The following ACBD6 variants were observed in gnomAD, a reference collection of about 807,000 sequenced individuals.
ACBD6 encodes acyl-CoA-binding domain-containing protein 6.
ACBD6 carries 28 observed loss-of-function variants against 37.2 expected under a neutral mutation model. That is an observed-to-expected ratio of 0.75 (90% CI 0.56 to 1.03). The LOEUF (loss-of-function observed/expected upper bound fraction) is 1.03. ACBD6 is among the 50% of genes least tolerant of loss of function. ACBD6 has a pLI of 0.00. For missense variants in ACBD6, 340 were observed against 337.4 expected (o/e 1.01, Z -0.06); for synonymous variants, 113 against 126.8 (o/e 0.89, Z 0.73).
chr1:180,435,810 C>T (rs370382015), intron 3 of ACBD6: 1 of 970,470 alleles, frequency 1.0e-6, no homozygotes, highest in East Asian at 2.4e-5. Flanking sequence ...GTGAATAACT[C>T]CAGCCTGATG....
chr1:180,433,583 T>A (rs10798765), intron 3 of ACBD6, among the ~76,000 whole-genome samples: 4 of 2,958 alleles, frequency 1.4e-3, no homozygotes, highest in South Asian at 0.015. Context: ...GCTGTGTGTG[T>A]GTGTGTGTGT....
intron 6 of ACBD6, among the ~76,000 whole-genome samples, chr1:180,347,360 G>GTGGT (rs1553296138): frequency 2.0e-5 from 1 of 49,074 alleles, no homozygotes; most frequent in Non-Finnish European, 5.4e-5. Flanking sequence ...TCAACAGAAA[G>GTGGT]TTTTTTTTTT....
chr1:180,362,707 T>C (rs1652894764), intron 6 of ACBD6, among the ~76,000 whole-genome samples: 1 of 152,130 alleles, frequency 6.6e-6, no homozygotes, highest in Non-Finnish European at 1.5e-5. Flanking sequence ...GCCTTAAAAG[T>C]TGAGATGGTT....
chr1:180,426,335 A>G (rs191731238), intron 4 of ACBD6, among the ~76,000 whole-genome samples: 1 of 152,288 alleles, frequency 6.6e-6, no homozygotes, highest in East Asian at 1.9e-4. Flanking sequence ...TTCTTACCCT[A>G]ATTTCTCAAT....
intron 6 of ACBD6, among the ~76,000 whole-genome samples, chr1:180,329,546 AT>A (rs199891418): frequency 0.027 from 4,035 of 152,256 alleles, 154 homozygotes; most frequent in African/African-American, 0.068. Flanking sequence ...AGAAAGCTTT[AT>A]TATAGATCTG....
rs539361929 is a variant in ACBD6 at position 180,476,712 on chromosome 1, G to A, written c.384+15557C>T. 1.4e-4 allele frequency among the ~76,000 whole-genome samples: 21 copies of A among 152,264 alleles called. No homozygotes were observed. The East Asian group carries it at 3.9e-3, about 28-fold the overall frequency. The stretch of plus-strand genomic sequence containing the variant: ...GTGGTGGCGGGCACCTGTAATCCCA[G>A]CTACTCGGGAGGCTGAGGCAGGAGA... On this transcript the variant is annotated intron_variant, in intron 3 of 7. Coordinates refer to ENST00000367595, the MANE Select transcript of ACBD6 (RefSeq NM_032360.4).
chr1:180,284,611 C>A (rs760904158), downstream of ACBD6, among the ~76,000 whole-genome samples: 1 of 151,856 alleles, frequency 6.6e-6, no homozygotes, highest in Non-Finnish European at 1.5e-5. Flanking sequence ...CTCAGGTGAT[C>A]CGCCCGCCTC....
At chr1:180,349,497 C>T (rs535994274) in intron 6 of ACBD6, among the ~76,000 whole-genome samples, 5 of 151,848 alleles carry the variant, frequency 3.3e-5, no homozygotes, top group Non-Finnish European at 5.9e-5. Flanking sequence ...CCTCGTGATC[C>T]GCCTGCCTCG....
At chr1:180,324,916 T>C (rs1033147043) in intron 6 of ACBD6, among the ~76,000 whole-genome samples, 7 of 152,180 alleles carry the variant, frequency 4.6e-5, no homozygotes, top group Non-Finnish European at 7.4e-5. Flanking sequence ...ACTTTAAATA[T>C]GTCATGCCAC....
chr1:180,344,986 CTCT>C (rs1652127078), intron 6 of ACBD6, among the ~76,000 whole-genome samples: 1 of 152,160 alleles, frequency 6.6e-6, no homozygotes, highest in African/African-American at 2.4e-5. Context: ...AATAATCTTA[CTCT>C]TCAACACTAT....
chr1:180,400,078 C>G (rs1211356565), intron 5 of ACBD6, among the ~76,000 whole-genome samples: 1 of 152,166 alleles, frequency 6.6e-6, no homozygotes, highest in East Asian at 1.9e-4. Flanking sequence ...AGGGTTATAT[C>G]AACTAAAGCT....
intron 3 of ACBD6, among the ~76,000 whole-genome samples, chr1:180,491,559 C>T (rs910654130): frequency 6.6e-6 from 1 of 152,116 alleles, no homozygotes; most frequent in African/African-American, 2.4e-5. Flanking sequence ...TTCTCTATTA[C>T]ACTTTAAACT....
intron 4 of ACBD6, among the ~76,000 whole-genome samples, chr1:180,428,141 C>T (rs1223181701): frequency 6.6e-6 from 1 of 151,976 alleles, no homozygotes; most frequent in African/African-American, 2.4e-5. Context: ...TCTTTCTTAA[C>T]AATATGTTCA....
At chr1:180,294,480 G>A (rs1370909836) in intron 7 of ACBD6, among the ~76,000 whole-genome samples, 1 of 152,066 alleles carries the variant, frequency 6.6e-6, no homozygotes, top group Non-Finnish European at 1.5e-5. Context: ...GGAGCCTGAA[G>A]TGTGAGCAGG....
chr1:180,391,327 T>C (rs1215594552), intron 6 of ACBD6, among the ~76,000 whole-genome samples: 6 of 152,110 alleles, frequency 3.9e-5, no homozygotes, highest in Non-Finnish European at 8.8e-5. Context: ...AATTTAAAAC[T>C]TTTATGTTTT....
chr1:180,462,762 A>C (rs915015457), intron 3 of ACBD6, among the ~76,000 whole-genome samples: 2 of 152,204 alleles, frequency 1.3e-5, no homozygotes, highest in African/African-American at 4.8e-5. Context: ...CTCCATCCCA[A>C]AACAACAGAA....
At chr1:180,296,482 T>C (rs982385902) in intron 7 of ACBD6, among the ~76,000 whole-genome samples, 1 of 152,164 alleles carries the variant, frequency 6.6e-6, no homozygotes, top group African/African-American at 2.4e-5. Flanking sequence ...CAGGTTGGAG[T>C]GCAGTGTTGC....
intron 5 of ACBD6, among the ~76,000 whole-genome samples, chr1:180,402,813 A>AT: frequency 6.6e-6 from 1 of 151,770 alleles, no homozygotes; most frequent in Non-Finnish European, 1.5e-5. Context: ...AAAAAAAAAA[A>AT]AATCCCTTCA....
chr1:180,355,624 T>C (rs1381285565), intron 6 of ACBD6, among the ~76,000 whole-genome samples: 2 of 152,152 alleles, frequency 1.3e-5, no homozygotes, highest in Non-Finnish European at 2.9e-5. Flanking sequence ...CTGTACTATA[T>C]ATATCTCTGG....
Sources: allele counts gnomAD v4.1 joint callset (sites outside exome capture counted in the v4.1 genomes callset), GRCh38; gene constraint gnomAD v4.1.1; transcripts MANE v1.5; gene names NCBI Gene and HGNC (gene_info 2026-07-23, HGNC 2026-07-21).